The following SLC2A7 variants were observed in gnomAD, a reference collection of about 807,000 sequenced individuals.
The protein encoded by SLC2A7 is solute carrier family 2 member 7, also known as solute carrier family 2, facilitated glucose transporter member 7.
In SLC2A7, 50 loss-of-function variants were observed where a neutral mutation model predicts 50.5. The ratio of observed to expected loss-of-function variants is 0.99; its 90% CI spans 0.79 to 1.25. The LOEUF (loss-of-function observed/expected upper bound fraction) is 1.25. Among genes scored for constraint, SLC2A7 ranks in the 50% most tolerant of loss-of-function variants. SLC2A7 has a pLI of 0.00. For missense variants in SLC2A7, 683 were observed against 679.1 expected (o/e 1.01, Z -0.06); for synonymous variants, 308 against 300.4 (o/e 1.03, Z -0.26).
intron 9 of SLC2A7, 133 bp from the exon 10 acceptor site, chr1:9,007,518 G>A: frequency 1.3e-6 from 1 of 752,822 alleles, no homozygotes; most frequent in Admixed American, 2.5e-5. Flanking sequence ...TGGACCTTGA[G>A]GGCTCTGTGG....
chr1:9,003,657 A>C, intron 11 of SLC2A7, 139 bp from the exon 12 acceptor site: 2 of 674,586 alleles, frequency 3.0e-6, no homozygotes, highest in Non-Finnish European at 2.5e-6. Context: ...CAGGAGTTTG[A>C]GACCAACCTG....
Position 9,019,318 on chromosome 1 carries a change from C to G in SLC2A7, c.327G>C (p.Leu109=). Residue 109 remains leucine, a synonymous_variant, in exon 4 of 12, where the codon CTG becomes CTC. Coordinates refer to ENST00000400906, the MANE Select transcript of SLC2A7 (RefSeq NM_207420.3). The stretch of plus-strand genomic sequence containing the variant: ...GGATGATGGCAAAGATGTTGTTGAT[C>G]AGCAGGGTCCCCTTTCTGCAAAGAC... ...VDSCGRKGTL[L]INNIFAIIPA... is the part of the protein sequence containing the mutation. 3 of 1,614,072 alleles carry G rather than the reference C, an allele frequency of 1.9e-6. No homozygotes were observed. The highest frequency in any genetic ancestry group is 2.5e-6 in the Non-Finnish European group (3 of 1,179,956).
chr1:9,021,744 AC>A (rs1640915877), intron 3 of SLC2A7, among the ~76,000 whole-genome samples: 1 of 151,896 alleles, frequency 6.6e-6, no homozygotes, highest in South Asian at 2.1e-4. Flanking sequence ...ACACGTTCCC[AC>A]CCTTCTCTGG....
At chr1:9,014,105 A>C (rs1032709181) in intron 7 of SLC2A7, among the ~76,000 whole-genome samples, 6 of 151,952 alleles carry the variant, frequency 3.9e-5, no homozygotes, top group Admixed American at 3.9e-4. Flanking sequence ...TGGGCCATCT[A>C]CCCTCCCACG....
chr1:8,993,163 A>C, the SLC2A7 span, among the ~76,000 whole-genome samples: 1 of 152,266 alleles, frequency 6.6e-6, no homozygotes, highest in African/African-American at 2.4e-5. Flanking sequence ...GTCAGCAGGC[A>C]AAGAGAGAGA....
chr1:9,014,653 C>T, intron 7 of SLC2A7, 28 bp downstream of exon 7: 1 of 1,550,430 alleles, frequency 6.4e-7, no homozygotes, highest in Non-Finnish European at 8.7e-7. Context: ...CTTCATCTGT[C>T]TCCCTGCCTG....
chr1:9,019,153 C>T, intron 4 of SLC2A7, 56 bp downstream of exon 4: 1 of 1,580,086 alleles, frequency 6.3e-7, no homozygotes, highest in Non-Finnish European at 8.6e-7. Context: ...CTGCTTCCAG[C>T]CTTGGCCAAA....
downstream of SLC2A7, among the ~76,000 whole-genome samples, chr1:9,001,470 G>A (rs1640571579): frequency 6.8e-6 from 1 of 146,832 alleles, no homozygotes; most frequent in Non-Finnish European, 1.5e-5. Flanking sequence ...CACCCAGGCT[G>A]GAATGCAGTG....
the SLC2A7 span, among the ~76,000 whole-genome samples, chr1:8,997,365 T>C: frequency 6.6e-6 from 1 of 152,116 alleles, no homozygotes; most frequent in African/African-American, 2.4e-5. Context: ...ATAAAAAAAA[T>C]TGAATTGTTT....
At chr1:9,026,038 G>A (rs527857461) in intron 1 of SLC2A7, among the ~76,000 whole-genome samples, 4 of 152,334 alleles carry the variant, frequency 2.6e-5, no homozygotes, top group East Asian at 3.9e-4. Flanking sequence ...AGGGGAGCAG[G>A]GGTGGAAGGG....
At chr1:9,002,627 T>A (rs193198026), downstream of SLC2A7, among the ~76,000 whole-genome samples, 1 of 152,210 alleles carries the variant, frequency 6.6e-6, no homozygotes, top group Admixed American at 6.5e-5. Flanking sequence ...GAGATAGTGA[T>A]CAATAAATAC....
intron 3 of SLC2A7, among the ~76,000 whole-genome samples, chr1:9,022,480 G>A (rs368696984): frequency 6.6e-6 from 1 of 152,138 alleles, no homozygotes; most frequent in Non-Finnish European, 1.5e-5. Context: ...GGCCGGCAGC[G>A]TGACTCAGCC....
rs559246464 is a variant in SLC2A7 at position 9,008,221 on chromosome 1, C to T, written c.1117-836G>A. ...GAACCCTGTAGTCACAGTTATGAGA[C>T]GGCCTCAAGGGACAAGTTGGCAGCA... is the stretch of plus-strand genomic sequence containing the variant. On this transcript the variant is annotated intron_variant, in intron 9 of 11. Transcript: ENST00000400906. This position sits in a 1 kb window ranked among gnomAD's most constrained non-coding sequence, Gnocchi z 5.9. 2.2e-4 allele frequency among the ~76,000 whole-genome samples: 34 copies of T among 152,194 alleles called. No homozygotes were observed. In the South Asian group the frequency reaches 2.3e-3, roughly 10 times the overall value.
rs1437301568 is a variant in SLC2A7, at chr1:9,010,243, G to T, written c.1016C>A (p.Ala339Asp). The stretch of plus-strand genomic sequence containing the variant: ...CCGTCCCAGCCGCTCCACAAGGACA[G>T]CCTGGAGGGGAAGGGGGACAGTGAG... ...VVNIVMTITSAVLVERLGRRH... is the reference protein window; with the variant it reads ...VVNIVMTITSDVLVERLGRRH... Residue 339 changes from alanine (A) to aspartate (D), a missense_variant and splice_region_variant, in exon 9 of 12, where the codon GCT (alanine) becomes GAT (aspartate). Transcript: ENST00000400906. The T allele has an allele frequency of 6.4e-7, 1 of 1,550,748 alleles. No individual in the cohort carries two copies. The highest frequency in any genetic ancestry group is 1.2e-5 in the South Asian group (1 of 84,022).
chr1:9,023,012 T>C lies in SLC2A7; in HGVS notation c.217A>G (p.Met73Val). ...RHATFMDGKLMLLLWSCTVSM... is the reference protein window; with the variant it reads ...RHATFMDGKLVLLLWSCTVSM... ...ACGGTGCAAGACCATAGAAGCAGCA[T>C]GAGCTTCCCGTCCATGAATGTTGCG... The change falls in exon 3 of 12, where the codon ATG (methionine) becomes GTG (valine). Residue 73 changes from methionine to valine, a missense_variant. Met to Val is a conservative substitution (Grantham distance 21). Transcript: ENST00000400906. 1 of 1,614,220 alleles carries C rather than the reference T, an allele frequency of 6.2e-7. No individual in the cohort carries two copies. Among genetic ancestry groups the C allele is most frequent in the Non-Finnish European group, 8.5e-7 (1 of 1,180,036 alleles).
At chr1:9,018,413 G>T in intron 4 of SLC2A7, 38 bp from the exon 5 acceptor site, 1 of 1,610,588 alleles carries the variant, frequency 6.2e-7, no homozygotes, top group Non-Finnish European at 8.5e-7. Flanking sequence ...CAGGCAAACC[G>T]CAAACGCAGA....
intron 2 of SLC2A7, among the ~76,000 whole-genome samples, chr1:9,024,775 C>T (rs1640969290): frequency 6.6e-6 from 1 of 152,140 alleles, no homozygotes; most frequent in Non-Finnish European, 1.5e-5. Context: ...GACGACACTC[C>T]AGGGGGAAAC....
At chr1:9,023,835 CTTCTTTTTTTTTTTTTTTTTT>C (rs1450765836) in intron 2 of SLC2A7, among the ~76,000 whole-genome samples, 3,112 of 65,992 alleles carry the variant, frequency 0.047, 204 homozygotes, top group African/African-American at 0.14. Flanking sequence ...AAATATTCTT[CTTCTTTTTTTTTTTTTTTTTT>C]TTTTTTTTTT....
chr1:9,019,309 G>T lies in SLC2A7; in HGVS notation c.336C>A (p.Asn112Lys). ...GGATGGCGGGGATGATGGCAAAGAT[G>T]TTGTTGATCAGCAGGGTCCCCTTTC... is the stretch of plus-strand genomic sequence containing the variant. ...CGRKGTLLIN[N>K]IFAIIPAILM... Residue 112 changes from asparagine (N) to lysine (K), a missense_variant, in exon 4 of 12, where the codon AAC becomes AAA. Transcript: ENST00000400906. The T allele has an allele frequency of 6.2e-7, 1 of 1,614,118 alleles. No homozygotes were observed. The highest frequency in any genetic ancestry group is 8.5e-7 in the Non-Finnish European group (1 of 1,179,994).
Sources: allele counts gnomAD v4.1 joint callset (sites outside exome capture counted in the v4.1 genomes callset), GRCh38; gene constraint gnomAD v4.1.1; non-coding constraint Gnocchi (gnomAD v3.1); transcripts MANE v1.5; gene names NCBI Gene and HGNC (gene_info 2026-07-23, HGNC 2026-07-21).